Variants in RNF168 observed in about 807,000 individuals in gnomAD.
The protein encoded by RNF168 is ring finger protein 168, also known as E3 ubiquitin-protein ligase RNF168.
A neutral mutation model predicts 34.9 loss-of-function variants in RNF168; 34 were observed. The ratio of observed to expected loss-of-function variants is 0.97; its 90% confidence interval spans 0.74 to 1.30. The LOEUF (loss-of-function observed/expected upper bound fraction) is 1.30. Ranked by LOEUF, RNF168 falls within the 50% of genes most tolerant of loss-of-function variation. The pLI is 0.00. For synonymous variants in RNF168, 264 were observed against 254.7 expected (o/e 1.04, Z -0.35); for missense variants, 725 against 682.5 (o/e 1.06, Z -0.69).
At chr3:196,474,738 G>A (rs759455505) in intron 5 of RNF168, 8 of 163,794 alleles carry the variant, frequency 4.9e-5, no homozygotes, top group East Asian at 1.7e-4. Flanking sequence ...GTGAGCCACC[G>A]CATTCAGCTC....
chr3:196,498,599 A>C (rs1364702815), intron 1 of RNF168, among the ~76,000 whole-genome samples: 6 of 152,226 alleles, frequency 3.9e-5, no homozygotes, highest in African/African-American at 1.4e-4. Context: ...CATAATATCC[A>C]AAACTGCAAG....
intron 4 of RNF168, among the ~76,000 whole-genome samples, chr3:196,479,498 C>T (rs147853179): frequency 7.0e-4 from 105 of 150,174 alleles, no homozygotes; most frequent in Middle Eastern, 6.9e-3. Context: ...ACAGGGTTTC[C>T]GCATGTTGCC....
intron 5 of RNF168, 72 bp from the exon 6 acceptor site, chr3:196,472,844 C>T (rs566583630): frequency 3.6e-6 from 3 of 839,800 alleles, no homozygotes; most frequent in African/African-American, 1.7e-5. Flanking sequence ...TCTAATTACA[C>T]TGATACTACA....
chr3:196,494,335 T>C (rs1732685410), intron 1 of RNF168, among the ~76,000 whole-genome samples: 1 of 152,236 alleles, frequency 6.6e-6, no homozygotes, highest in Non-Finnish European at 1.5e-5. Flanking sequence ...ACTCGATATT[T>C]TGCTTCTTCG....
At position 196,471,822 on chromosome 3, in the gene RNF168, C is replaced by T; in HGVS notation, c.1713G>A (p.Lys571=). The T allele has an allele frequency of 6.2e-7, 1 of 1,605,836 alleles. No individual in the cohort carries two copies. The highest frequency in any genetic ancestry group is 2.2e-5 in the East Asian group (1 of 44,846). ...SVFQMFQRCT[K] ...AAAGCACTCCCTTTACCAGGCCTTA[C>T]TTTGTGCATCTCTGAAACATCTGAA... Residue 571 remains lysine, a synonymous_variant, in exon 6 of 6, where the codon AAG becomes AAA. Transcript: ENST00000318037.
At chr3:196,499,171 TA>T (rs141938912) in intron 1 of RNF168, among the ~76,000 whole-genome samples, 6 of 145,966 alleles carry the variant, frequency 4.1e-5, no homozygotes. Context: ...AGTGTCCTGG[TA>T]AAAAAAAAAG....
At chr3:196,482,111 TTTC>T (rs1160155931) in intron 4 of RNF168, among the ~76,000 whole-genome samples, 1 of 152,104 alleles carries the variant, frequency 6.6e-6, no homozygotes, top group African/African-American at 2.4e-5. Flanking sequence ...CTGGCTGCCC[TTTC>T]TTCTTTTCTG....
At chr3:196,497,493 A>C (rs147136479) in intron 1 of RNF168, among the ~76,000 whole-genome samples, 197 of 152,182 alleles carry the variant, frequency 1.3e-3, no homozygotes, top group Admixed American at 3.5e-3. Flanking sequence ...AACATGGTGA[A>C]GCCCCATCTC....
At chr3:196,499,049 T>C (rs779162516) in intron 1 of RNF168, among the ~76,000 whole-genome samples, 2 of 151,178 alleles carry the variant, frequency 1.3e-5, no homozygotes, top group Non-Finnish European at 1.5e-5. Flanking sequence ...CCAAAAGATA[T>C]GCTTAAGTCC....
In RNF168 at chr3:196,471,321, A is replaced by G. The variant is rs1007274148; in HGVS notation, c.*498T>C. 6.6e-6 allele frequency: 1 copy of G among 152,052 alleles called. No homozygotes were observed. Among genetic ancestry groups the G allele is most frequent in the Non-Finnish European group, 1.5e-5 (1 of 68,244 alleles). 9.4% of individuals were successfully genotyped at this position (152,052 alleles called of 1,614,324 possible). A position where few individuals can be genotyped will look rare whatever the true frequency, so the allele number is the denominator to read the frequency against. ...CACCAAAGGAAATGCTACAATGCTG[A>G]AAATTGAATTAAATTGGAGATGGAA... On this transcript the variant is annotated 3_prime_UTR_variant, in exon 6 of 6. Coordinates refer to ENST00000318037, the MANE Select transcript of RNF168 (RefSeq NM_152617.4).
chr3:196,482,140 C>T (rs1667896500), intron 4 of RNF168, among the ~76,000 whole-genome samples: 3 of 152,016 alleles, frequency 2.0e-5, no homozygotes, highest in Admixed American at 6.6e-5. Flanking sequence ...GCACGTAAAG[C>T]CTTCTAAATA....
chr3:196,478,115 C>T (rs1299169238), intron 4 of RNF168, among the ~76,000 whole-genome samples: 1 of 152,086 alleles, frequency 6.6e-6, no homozygotes, highest in Non-Finnish European at 1.5e-5. Context: ...ATGTCATCAA[C>T]CCTTTCCCTT....
chr3:196,502,404 T>G (rs971690250), intron 1 of RNF168, among the ~76,000 whole-genome samples: 2 of 151,968 alleles, frequency 1.3e-5, no homozygotes, highest in Non-Finnish European at 2.9e-5. Context: ...CTGGCCAACA[T>G]GGTGAAATCC....
In RNF168 at chr3:196,488,569, G is replaced by C. The variant is rs112381143; in HGVS notation, c.378+38C>G. ...AAAATCTGAAACTAAAAACACAGCA[G>C]AGAAATATTCCAAAAAAAAAAACTA... On this transcript the variant is annotated intron_variant, in intron 2 of 5. Transcript: ENST00000318037. 2.1e-3 allele frequency: 2,303 copies of C among 1,121,044 alleles called. 27 individuals carry two copies. In the African/African-American group the frequency reaches 0.039, roughly 19 times the overall value. 69.4% of individuals were successfully genotyped at this position (1,121,044 alleles called of 1,614,324 possible).
At chr3:196,479,139 A>C (rs1011821475) in intron 4 of RNF168, among the ~76,000 whole-genome samples, 1 of 151,666 alleles carries the variant, frequency 6.6e-6, no homozygotes, top group African/African-American at 2.4e-5. Context: ...CAGCCTCCCG[A>C]GTAGCTGGGA....
chr3:196,474,631 A>G (rs1270301967), intron 5 of RNF168, among the ~76,000 whole-genome samples: 1 of 151,904 alleles, frequency 6.6e-6, no homozygotes, highest in East Asian at 1.9e-4. Context: ...ATTTTTTTGT[A>G]GAGATGGGGT....
rs747295535 is a variant in RNF168, at chr3:196,475,785, C to CAG, written c.681-474_681-473insCT. On this transcript the variant is annotated intron_variant, in intron 4 of 5. Transcript: ENST00000318037. ...CAGGATGGTCTCGATCTCCTGACCTCGTGATCCGCCTGCCTTGGCCTCCCA... is the reference window on the plus strand; with the variant it reads ...CAGGATGGTCTCGATCTCCTGACCTCAGGTGATCCGCCTGCCTTGGCCTCCCA... Among the ~76,000 whole-genome samples, 18 of 151,208 alleles carry CAG rather than the reference C, an allele frequency of 1.2e-4. No homozygotes were observed. The East Asian group carries it at 3.6e-3, about 30-fold the overall frequency.
chr3:196,471,768 A>G lies in RNF168; in HGVS notation c.*51T>C, dbSNP rs766719778. 20 of 1,143,424 alleles carry G rather than the reference A, an allele frequency of 1.7e-5. No individual in the cohort carries two copies. The highest frequency in any genetic ancestry group is 2.7e-5 in the Non-Finnish European group (20 of 751,884). 70.8% of individuals were successfully genotyped at this position (1,143,424 alleles called of 1,614,324 possible). A position where few individuals can be genotyped will look rare whatever the true frequency, so the allele number is the denominator to read the frequency against. On this transcript the variant is annotated 3_prime_UTR_variant, in exon 6 of 6. Transcript: ENST00000318037. ...GGATGAAGATTCCATGATAGGAAAG[A>G]GCTTCACATTCCAGCTTTACTAGAT... is the stretch of plus-strand genomic sequence containing the variant.
chr3:196,484,171 CTTTT>C (rs71699491), intron 3 of RNF168, among the ~76,000 whole-genome samples: 5 of 119,452 alleles, frequency 4.2e-5, no homozygotes, highest in Admixed American at 9.1e-5. Context: ...TCTTTCTTTC[CTTTT>C]TTTTTTTTTT....
Sources: gnomAD v4.1 joint callset for allele counts (sites outside exome capture counted in the v4.1 genomes callset) on GRCh38, gnomAD v4.1.1 for gene constraint, MANE v1.5 for transcripts, NCBI Gene and HGNC (gene_info 2026-07-23, HGNC 2026-07-21) for gene names.